SCAF8: variants seen among roughly 807,000 people sequenced by gnomAD.
The protein encoded by SCAF8 is SR-related and CTD-associated factor 8.
Under a neutral mutation model 140.5 loss-of-function variants are expected in SCAF8, and 23 were observed. That is an observed-to-expected ratio of 0.16 (90% confidence interval 0.12 to 0.23). SCAF8 has a LOEUF of 0.23. SCAF8 is among the 10% of genes least tolerant of loss of function. The probability of loss-of-function intolerance (pLI) is 1.00; values close to 1 mark genes in which losing one functional copy is unlikely to be tolerated. For synonymous variants in SCAF8, 575 were observed against 528.9 expected, an observed-to-expected ratio of 1.09 and a Z score of -1.20; for missense variants, 1,397 against 1,555.7, an observed-to-expected ratio of 0.90 and a Z score of 1.72.
At chr6:154,787,081 A>C (rs991491617) in intron 3 of SCAF8, among the ~76,000 whole-genome samples, 2 of 152,230 alleles carry the variant, frequency 1.3e-5, no homozygotes, top group Admixed American at 1.3e-4. Flanking sequence ...GAGGCAGGGC[A>C]CGGTGGCTCG....
At chr6:154,793,620 G>C (rs996651173) in intron 5 of SCAF8, among the ~76,000 whole-genome samples, 1 of 151,706 alleles carries the variant, frequency 6.6e-6, no homozygotes, top group African/African-American at 2.4e-5. Flanking sequence ...TTGGAGAGCA[G>C]CCTGGCCAAT....
At chr6:154,808,332 A>G (rs1777984140) in intron 10 of SCAF8, 131 bp downstream of exon 10, 21 of 962,136 alleles carry the variant, frequency 2.2e-5, no homozygotes, top group African/African-American at 8.3e-5. Flanking sequence ...TGTTTCACCT[A>G]TTAGGCCAAG....
chr6:154,832,035 A>G lies in SCAF8; in HGVS notation c.2456A>G (p.Asn819Ser). ...GGAATTCTGGGAGTCCAAAGACCAA[A>G]TGTATCAAGTAATTCTGAAATTCTT... ...NSGILGVQRP[N>S]VSSNSEILGV... The change falls in exon 20 of 20, where the codon AAT becomes AGT. Residue 819 changes from asparagine (N) to serine (S), a missense_variant. By Grantham distance (46) the Asn-to-Ser change is conservative. Coordinates refer to ENST00000367178, the MANE Select transcript of SCAF8 (RefSeq NM_014892.5). 6.2e-7 allele frequency: 1 copy of G among 1,614,064 alleles called. No homozygotes were observed. Among genetic ancestry groups the G allele is most frequent in the Non-Finnish European group, 8.5e-7 (1 of 1,179,980 alleles).
chr6:154,783,003 A>G (rs1777129184), intron 3 of SCAF8, among the ~76,000 whole-genome samples: 1 of 152,196 alleles, frequency 6.6e-6, no homozygotes, highest in African/African-American at 2.4e-5. Context: ...AGTATTAACC[A>G]TCATAGATCC....
At position 154,802,007 on chromosome 6, in the gene SCAF8, C is replaced by G. The variant is rs1193123342; in HGVS notation, c.643C>G (p.Gln215Glu). The change falls in exon 7 of 20, where the codon CAG (glutamine) becomes GAG (glutamate). Residue 215 changes from glutamine (Q) to glutamate (E), a missense_variant. Coordinates refer to ENST00000367178, the MANE Select transcript of SCAF8 (RefSeq NM_014892.5). ...QLIQTLQIQQ[Q>E]KPQPSILQAL... ...AATACAAACCTTACAGATACAACAACAGAAGCCCCAGCCTTCCATTCTGCA... is the reference window on the plus strand; with the variant it reads ...AATACAAACCTTACAGATACAACAAGAGAAGCCCCAGCCTTCCATTCTGCA... 6.2e-7 allele frequency: 1 copy of G among 1,608,336 alleles called. No individual in the cohort carries two copies. The highest frequency in any genetic ancestry group is 8.5e-7 in the Non-Finnish European group (1 of 1,177,726).
Position 154,832,272 on chromosome 6 carries a change from G to A in SCAF8, c.2693G>A (p.Gly898Glu). ...GTTCCAAATACTCCTGGACTTCTGGGAACACAGCCACCAGCTGGACCTCAA... is the reference window on the plus strand; with the variant it reads ...GTTCCAAATACTCCTGGACTTCTGGAAACACAGCCACCAGCTGGACCTCAA... The part of the protein sequence containing the change: ...PNVPNTPGLL[G>E]TQPPAGPQNL... Residue 898 changes from glycine (G) to glutamate (E), a missense_variant, in exon 20 of 20, where the codon GGA (glycine) becomes GAA (glutamate). Physicochemically the swap from Gly to Glu is moderately conservative, Grantham distance 98. This residue lies in a region of SCAF8 where 930 missense variants were observed against 874.6 expected (regional missense o/e 1.06). Coordinates refer to ENST00000367178, the MANE Select transcript of SCAF8 (RefSeq NM_014892.5). The A allele has an allele frequency of 1.9e-6, 3 of 1,614,084 alleles. No homozygotes were observed. Among genetic ancestry groups the A allele is most frequent in the Non-Finnish European group, 2.5e-6 (3 of 1,180,018 alleles).
chr6:154,806,188 AAG>A (rs1327290999), intron 9 of SCAF8, among the ~76,000 whole-genome samples: 3 of 152,206 alleles, frequency 2.0e-5, no homozygotes, highest in Non-Finnish European at 4.4e-5. Context: ...AGGATCCTTT[AAG>A]TTCATCTTAC....
chr6:154,791,467 T>C (rs1777416109), intron 4 of SCAF8, among the ~76,000 whole-genome samples: 1 of 152,198 alleles, frequency 6.6e-6, no homozygotes, highest in African/African-American at 2.4e-5. Context: ...TAAGAAGAGC[T>C]GTAACAAGGC....
chr6:154,795,696 G>A, intron 6 of SCAF8, among the ~76,000 whole-genome samples: 1 of 152,232 alleles, frequency 6.6e-6, no homozygotes, highest in East Asian at 1.9e-4. Context: ...CAGGTGGGAA[G>A]CAATGTGGTG....
intron 1 of SCAF8, among the ~76,000 whole-genome samples, chr6:154,743,798 T>C (rs541669160): frequency 7.2e-5 from 11 of 152,338 alleles, no homozygotes; most frequent in East Asian, 1.9e-4. Context: ...ATATTTTAAA[T>C]ATATGAGTAA....
At position 154,818,037 on chromosome 6, in the gene SCAF8, T is replaced by C. The variant is rs182106377; in HGVS notation, c.1522-442T>C. ...TAATTCCCCAAAAGAAGAATCCTCT[T>C]TGCATTACTCAGTATAACATTTGGA... is the stretch of plus-strand genomic sequence containing the variant. On this transcript the variant is annotated intron_variant, in intron 13 of 19. Transcript: ENST00000367178. Among the ~76,000 whole-genome samples the C allele has an allele frequency of 9.8e-4, 149 of 152,304 alleles. 1 individual carries two copies. The highest frequency in any genetic ancestry group is 3.2e-3 in the African/African-American group (133 of 41,574).
chr6:154,804,124 C>G (rs1777846465), intron 8 of SCAF8, among the ~76,000 whole-genome samples: 1 of 150,926 alleles, frequency 6.6e-6, no homozygotes, highest in African/African-American at 2.4e-5. Flanking sequence ...GCCCAAGGTT[C>G]TGTGAGGGTA....
intron 6 of SCAF8, among the ~76,000 whole-genome samples, chr6:154,801,743 C>G (rs1407916447): frequency 6.6e-6 from 1 of 151,402 alleles, no homozygotes; most frequent in Non-Finnish European, 1.5e-5. Flanking sequence ...TCACAGATCA[C>G]TTTATTTTGT....
At chr6:154,804,408 T>TA (rs1306076893) in intron 8 of SCAF8, among the ~76,000 whole-genome samples, 2 of 152,208 alleles carry the variant, frequency 1.3e-5, no homozygotes, top group Non-Finnish European at 2.9e-5. Flanking sequence ...ATCATGTTGA[T>TA]CAGTGTCCTA....
chr6:154,759,547 A>G (rs1044453305), intron 1 of SCAF8, among the ~76,000 whole-genome samples: 3 of 152,226 alleles, frequency 2.0e-5, no homozygotes, highest in African/African-American at 7.2e-5. Context: ...CCCATAGGCA[A>G]AGATAATGAG....
At position 154,810,119 on chromosome 6, in the gene SCAF8, G is replaced by A. The variant is rs771188170; in HGVS notation, c.1331G>A (p.Arg444Gln). Residue 444 changes from arginine (R) to glutamine (Q), a missense_variant, in exon 12 of 20, where the codon CGG becomes CAG. By Grantham distance (43) the Arg-to-Gln change is conservative. Coordinates refer to ENST00000367178, the MANE Select transcript of SCAF8 (RefSeq NM_014892.5). ...RSRERKRKSSRSYSSERRARE... is the reference protein window; with the variant it reads ...RSRERKRKSSQSYSSERRARE... ...AGAGAAAGAAAGAGGAAATCATCAC[G>A]GTCGTATTCAAGTGAAAGGAGAGCC... 6.8e-6 allele frequency: 11 copies of A among 1,613,686 alleles called. No individual in the cohort carries two copies. The highest frequency in any genetic ancestry group is 2.2e-5 in the East Asian group (1 of 44,884).
At chr6:154,827,582 G>T (rs1778601006) in intron 18 of SCAF8, among the ~76,000 whole-genome samples, 1 of 152,086 alleles carries the variant, frequency 6.6e-6, no homozygotes, top group South Asian at 2.1e-4. Flanking sequence ...ACTTGTTGAA[G>T]AAACAGTTCA....
chr6:154,782,238 C>A (rs898577732), intron 3 of SCAF8, among the ~76,000 whole-genome samples: 1 of 152,070 alleles, frequency 6.6e-6, no homozygotes, highest in South Asian at 2.1e-4. Context: ...AAAACCCTGT[C>A]CCAGCCTAAA....
Position 154,766,932 on chromosome 6 carries a change from G to A in SCAF8, c.31-7057G>A, listed in dbSNP as rs183498139. Reference sequence around the variant, plus strand: ...TTTTATAGGCTACAGTGTATAATGAGCCTTAAAGGTCCTTATGACCCCCAG... The same window carrying A: ...TTTTATAGGCTACAGTGTATAATGAACCTTAAAGGTCCTTATGACCCCCAG... On this transcript the variant is annotated intron_variant, in intron 1 of 19. Transcript: ENST00000367178. 2.0e-3 allele frequency among the ~76,000 whole-genome samples: 298 copies of A among 152,122 alleles called. 1 individual carries two copies. The highest frequency in any genetic ancestry group is 6.7e-3 in the African/African-American group (278 of 41,488).
Sources: gnomAD v4.1 joint callset for allele counts (sites outside exome capture counted in the v4.1 genomes callset) on GRCh38, gnomAD v4.1.1 for gene constraint, gnomAD v4.1.1 regional missense constraint, MANE v1.5 for transcripts, NCBI Gene and HGNC (gene_info 2026-07-23, HGNC 2026-07-21) for gene names.